Variants in ESPN observed in about 807,000 individuals in gnomAD.
ESPN encodes espin, also known as autosomal recessive deafness type 36 protein.
A neutral mutation model predicts 77.7 loss-of-function variants in ESPN; 68 were observed. The ratio of observed to expected loss-of-function variants is 0.87; its 90% CI spans 0.72 to 1.07. The LOEUF (loss-of-function observed/expected upper bound fraction) is 1.07, where lower values mean the gene tolerates loss of function less well. ESPN is among the 50% of genes least tolerant of loss of function. The pLI is 0.00. For missense variants in ESPN, 1,060 were observed against 1,239.0 expected (o/e 0.86, Z 2.17); for synonymous variants, 449 against 567.1 (o/e 0.79, Z 2.96).
At chr1:6,441,813 A>G (rs1643645932) in intron 5 of ESPN, among the ~76,000 whole-genome samples, 3 of 152,224 alleles carry the variant, frequency 2.0e-5, no homozygotes. Context: ...CCCGGAGGGA[A>G]GAAGGCAGAT....
intron 7 of ESPN, among the ~76,000 whole-genome samples, chr1:6,446,375 G>T (rs1436564487): frequency 2.0e-5 from 3 of 152,222 alleles, no homozygotes. Context: ...TGGCATGGCT[G>T]TGGAGGTGAG....
intron 6 of ESPN, 166 bp from the exon 7 acceptor site, chr1:6,445,498 G>A: frequency 1.3e-6 from 1 of 760,740 alleles, no homozygotes; most frequent in Non-Finnish European, 2.3e-6. Context: ...GGTAGGGCCA[G>A]GGAGGGGAAG....
intron 2 of ESPN, among the ~76,000 whole-genome samples, chr1:6,434,291 A>T (rs1211367620): frequency 6.6e-6 from 1 of 152,118 alleles, no homozygotes; most frequent in Non-Finnish European, 1.5e-5. Flanking sequence ...AACCCCTGAG[A>T]CACATTCCAT....
intron 2 of ESPN, among the ~76,000 whole-genome samples, chr1:6,435,235 T>G (rs191511571): frequency 6.6e-6 from 1 of 152,084 alleles, no homozygotes; most frequent in African/African-American, 2.4e-5. Context: ...GCAGCTGGAC[T>G]GATCCTCGGA....
At chr1:6,444,893 C>T (rs1304017024) in intron 6 of ESPN, among the ~76,000 whole-genome samples, 1 of 152,216 alleles carries the variant, frequency 6.6e-6, no homozygotes, top group Non-Finnish European at 1.5e-5. Context: ...ACATGTACAT[C>T]CACATGTACT....
chr1:6,424,901 C>G lies in ESPN; in HGVS notation c.-55C>G, dbSNP rs1424300352. On this transcript the variant is annotated 5_prime_UTR_variant, in exon 1 of 13. Transcript: ENST00000645284. ...CTCCTCTGGCCCGCAAGAACACGTG[C>G]ATGGCGTCCTGGGGAAGGCGCTGAG... is the stretch of plus-strand genomic sequence containing the variant. 7.2e-7 allele frequency: 1 copy of G among 1,395,206 alleles called. No individual in the cohort carries two copies. The highest frequency in any genetic ancestry group is 1.5e-5 in the African/African-American group (1 of 66,052). The allele number at this position is 1,395,206 out of a possible 1,614,324, so 86.4% of individuals were successfully genotyped here.
chr1:6,454,189 C>A (rs540338884), intron 10 of ESPN, among the ~76,000 whole-genome samples: 2 of 152,318 alleles, frequency 1.3e-5, no homozygotes, highest in South Asian at 2.1e-4. Flanking sequence ...CAGCAGCGAC[C>A]AGCGACCGGC....
rs746791451 is a variant in ESPN at position 6,445,939 on chromosome 1, G to A, written c.1464+4G>A. 35 of 1,612,350 alleles carry A rather than the reference G, an allele frequency of 2.2e-5. No individual in the cohort carries two copies. The highest frequency in any genetic ancestry group is 2.9e-5 in the Non-Finnish European group (34 of 1,179,718). ...GACAGAGGCCCTCAAGAAGGAGGTA[G>A]TGAGCCCTCACCCCCTGCCTGCCTC... On this transcript the variant is annotated splice_donor_region_variant and intron_variant, in intron 7 of 12. Transcript: ENST00000645284.
intron 4 of ESPN, 56 bp downstream of exon 4, chr1:6,440,864 C>T (rs2148519348): frequency 1.3e-6 from 2 of 1,506,482 alleles, no homozygotes; most frequent in Non-Finnish European, 1.8e-6. Flanking sequence ...GCGCTTTCAG[C>T]ACGGCCCTGC....
chr1:6,440,604 T>TGCC, intron 3 of ESPN, 22 bp from the exon 4 acceptor site: 3 of 725,284 alleles, frequency 4.1e-6, no homozygotes, highest in Non-Finnish European at 6.3e-6. Context: ...CCCGCCCCCC[T>TGCC]CTCCCCGCCC....
chr1:6,451,536 G>T lies in ESPN; in HGVS notation c.1916-67G>T. 6.3e-7 allele frequency: 1 copy of T among 1,576,714 alleles called. No homozygotes were observed. ...TGGCTTAGGAAAGGGGCTGCAGAGG[G>T]GCGGGTGAGGGGTGGCGGGGATGCA... On this transcript the variant is annotated intron_variant, in intron 8 of 12. Transcript: ENST00000645284. This position sits in a 1 kb window ranked among gnomAD's most constrained non-coding sequence, Gnocchi z 4.3.
intron 2 of ESPN, among the ~76,000 whole-genome samples, chr1:6,436,530 G>T (rs1643444047): frequency 6.7e-6 from 1 of 149,146 alleles, no homozygotes; most frequent in South Asian, 2.2e-4. Context: ...TTAGAGGCAG[G>T]ATCTTGCTCT....
chr1:6,446,895 T>G (rs1457359083), intron 7 of ESPN: 1 of 152,242 alleles, frequency 6.6e-6, no homozygotes, highest in Non-Finnish European at 1.5e-5. Flanking sequence ...AAGGGAGGCA[T>G]GGGAGGGACA....
chr1:6,443,852 T>C (rs1322709780), intron 5 of ESPN, among the ~76,000 whole-genome samples: 1 of 152,060 alleles, frequency 6.6e-6, no homozygotes, highest in Non-Finnish European at 1.5e-5. Flanking sequence ...AGCATGGCAA[T>C]GTAAGCAGGG....
intron 6 of ESPN, among the ~76,000 whole-genome samples, chr1:6,445,049 T>C (rs1244424821): frequency 6.6e-6 from 1 of 152,048 alleles, no homozygotes; most frequent in Non-Finnish European, 1.5e-5. Context: ...ACACCCACCC[T>C]ACACACAAGC....
chr1:6,448,885 C>T lies in ESPN; in HGVS notation c.1709C>T (p.Pro570Leu), dbSNP rs527968078. Residue 570 changes from proline to leucine, a missense_variant, in exon 8 of 13, where the codon CCC (proline) becomes CTC (leucine). Coordinates refer to ENST00000645284, the MANE Select transcript of ESPN (RefSeq NM_031475.3). ...ARGSLEGPSA[P>L]PQAALLPGNH... Reference sequence around the variant, plus strand: ...GGCTCACTCGAAGGCCCCTCCGCTCCCCCGCAGGCGGCGCTGCTTCCTGGG... The same window carrying T: ...GGCTCACTCGAAGGCCCCTCCGCTCTCCCGCAGGCGGCGCTGCTTCCTGGG... 7,591 of 1,325,674 alleles carry T rather than the reference C, an allele frequency of 5.7e-3. 68 individuals are homozygous for T. Among genetic ancestry groups the T allele is most frequent in the East Asian group, 0.025 (769 of 30,724 alleles). The allele number at this position is 1,325,674 out of a possible 1,614,324, so 82.1% of individuals were successfully genotyped here.
intron 2 of ESPN, among the ~76,000 whole-genome samples, chr1:6,438,194 G>C (rs1430841733): frequency 6.6e-6 from 1 of 152,184 alleles, no homozygotes; most frequent in Non-Finnish European, 1.5e-5. Context: ...ATAGATTGTG[G>C]CTCCACCTAG....
Position 6,442,220 on chromosome 1 carries a change from C to T in ESPN, c.990+1155C>T, listed in dbSNP as rs185261111. ...ACTATTCATTGGATTCTGACTTAGGCAGGCACCCTGCCGAGTGCCTTAAAG... is the reference window on the plus strand; with the variant it reads ...ACTATTCATTGGATTCTGACTTAGGTAGGCACCCTGCCGAGTGCCTTAAAG... On this transcript the variant is annotated intron_variant, in intron 5 of 12. Coordinates refer to ENST00000645284, the MANE Select transcript of ESPN (RefSeq NM_031475.3). Among the ~76,000 whole-genome samples, 336 of 152,312 alleles carry T rather than the reference C, an allele frequency of 2.2e-3. 1 individual carries two copies. Among genetic ancestry groups the T allele is most frequent in the Middle Eastern group, 0.01 (3 of 294 alleles).
rs1328982504 is a variant in ESPN, at chr1:6,451,475, G to A, written c.1916-128G>A. On this transcript the variant is annotated intron_variant, in intron 8 of 12. Transcript: ENST00000645284. This position sits in a 1 kb window ranked among gnomAD's most constrained non-coding sequence, Gnocchi z 4.3. ...TGCAGGACCTGGGATCTGGAGAGCT[G>A]CCCGCTGGCCCGGAGGATGGGCACC... The A allele has an allele frequency of 6.0e-6, 8 of 1,332,598 alleles. No individual in the cohort carries two copies. Among genetic ancestry groups the A allele is most frequent in the African/African-American group, 2.9e-5 (2 of 68,552 alleles). 82.5% of individuals were successfully genotyped at this position (1,332,598 alleles called of 1,614,324 possible).
Sources: gnomAD v4.1 joint callset for allele counts (sites outside exome capture counted in the v4.1 genomes callset) on GRCh38, gnomAD v4.1.1 for gene constraint, Gnocchi (gnomAD v3.1) non-coding constraint, MANE v1.5 for transcripts, NCBI Gene and HGNC (gene_info 2026-07-23, HGNC 2026-07-21) for gene names.